RNF144B: variants seen among roughly 807,000 people sequenced by gnomAD.
The protein encoded by RNF144B is E3 ubiquitin-protein ligase RNF144B.
A neutral mutation model predicts 40.2 loss-of-function variants in RNF144B; 25 were observed. The ratio of observed to expected loss-of-function variants is 0.62; its 90% CI spans 0.45 to 0.87. The LOEUF (loss-of-function observed/expected upper bound fraction) is 0.87. Among genes scored for constraint, RNF144B ranks in the 40% least tolerant of loss-of-function variants. RNF144B has a pLI of 0.00. For synonymous variants in RNF144B, 145 were observed against 136.3 expected (o/e 1.06, Z -0.44); for missense variants, 365 against 373.7 (o/e 0.98, Z 0.19).
At chr6:18,408,850 A>T (rs1282417452) in intron 2 of RNF144B, among the ~76,000 whole-genome samples, 1 of 152,000 alleles carries the variant, frequency 6.6e-6, no homozygotes, top group East Asian at 1.9e-4. Context: ...TCCCTGAATC[A>T]ATTTCTAGGG....
At position 18,439,701 on chromosome 6, in the gene RNF144B, T is replaced by G. The variant is rs755855122; in HGVS notation, c.288T>G (p.Pro96=). Residue 96 remains proline (P), a synonymous_variant, in exon 4 of 8, where the codon CCT becomes CCG. Transcript: ENST00000259939. The part of the protein sequence containing the change: ...LQEAEIACLV[P]VDQFQLYQRL... ...GGTTTCAGATTGCCTGTTTGGTACC[T>G]GTGGACCAGTTTCAACTTTATCAGA... 1.2e-6 allele frequency: 2 copies of G among 1,612,706 alleles called. No individual in the cohort carries two copies. The highest frequency in any genetic ancestry group is 1.7e-6 in the Non-Finnish European group (2 of 1,178,784).
chr6:18,425,079 A>T lies in RNF144B; in HGVS notation c.166-2502A>T, dbSNP rs1535817. 3.3e-5 allele frequency among the ~76,000 whole-genome samples: 5 copies of T among 152,134 alleles called. No individual in the cohort carries two copies. Among genetic ancestry groups the T allele is most frequent in the Middle Eastern group, 3.2e-3 (1 of 316 alleles). On this transcript the variant is annotated intron_variant, in intron 2 of 7. Coordinates refer to ENST00000259939, the MANE Select transcript of RNF144B (RefSeq NM_182757.4). The surrounding 1 kb of genome is among the most constrained non-coding windows in gnomAD (Gnocchi z 4.2). ...TGGGTGTGTGTGTGTGTGTGTTAAAACCTGTGAGGTAACTATAACAGGTAT... is the reference window on the plus strand; with the variant it reads ...TGGGTGTGTGTGTGTGTGTGTTAAATCCTGTGAGGTAACTATAACAGGTAT...
intron 2 of RNF144B, among the ~76,000 whole-genome samples, chr6:18,417,837 A>G (rs752189776): frequency 3.9e-5 from 6 of 152,352 alleles, no homozygotes; most frequent in Middle Eastern, 3.4e-3. Context: ...GTCATATCTC[A>G]TAAGGGATAC....
At chr6:18,433,120 T>C (rs1488887074) in intron 3 of RNF144B, among the ~76,000 whole-genome samples, 1 of 152,210 alleles carries the variant, frequency 6.6e-6, no homozygotes. Flanking sequence ...CCAAATCCTC[T>C]GCCTCCACTT....
intron 3 of RNF144B, among the ~76,000 whole-genome samples, chr6:18,428,053 T>C (rs1462136129): frequency 6.6e-6 from 1 of 152,130 alleles, no homozygotes; most frequent in Non-Finnish European, 1.5e-5. Context: ...CAGGTGGAGA[T>C]AATTGAATCA....
At position 18,465,281 on chromosome 6, in the gene RNF144B, G is replaced by C; in HGVS notation, c.*214G>C. ...AACAAGAACTGGGCTCAACGGTCCA[G>C]CTGTTTCTATGGAGCTTTGGGGTTC... On this transcript the variant is annotated 3_prime_UTR_variant, in exon 8 of 8. Coordinates refer to ENST00000259939, the MANE Select transcript of RNF144B (RefSeq NM_182757.4). The C allele has an allele frequency of 3.5e-6, 2 of 569,932 alleles. No homozygotes were observed. The highest frequency in any genetic ancestry group is 6.2e-6 in the Non-Finnish European group (2 of 320,628). The allele number at this position is 569,932 out of a possible 1,614,324, so 35.3% of individuals were successfully genotyped here.
intron 3 of RNF144B, among the ~76,000 whole-genome samples, chr6:18,435,393 C>G (rs1429967161): frequency 6.7e-6 from 1 of 150,268 alleles, no homozygotes; most frequent in African/African-American, 2.4e-5. Context: ...TCTATGCTGA[C>G]TGAAATTTAA....
In RNF144B at chr6:18,464,659, G is replaced by A. The variant is rs1759536417; in HGVS notation, c.772-268G>A. 6.6e-6 allele frequency among the ~76,000 whole-genome samples: 1 copy of A among 152,136 alleles called. No homozygotes were observed. Among genetic ancestry groups the A allele is most frequent in the African/African-American group, 2.4e-5 (1 of 41,446 alleles). On this transcript the variant is annotated intron_variant, in intron 7 of 7. Coordinates refer to ENST00000259939, the MANE Select transcript of RNF144B (RefSeq NM_182757.4). The surrounding 1 kb of genome is among the most constrained non-coding windows in gnomAD (Gnocchi z 6.1). The stretch of plus-strand genomic sequence containing the variant: ...CCATTTTTTTGCTGTGTCTTCACAT[G>A]GCATAGAGCCTAGAGAAAGAAAGCA...
rs528925196 is a variant in RNF144B, at chr6:18,446,647, C to G, written c.331+6903C>G. Among the ~76,000 whole-genome samples, 1 of 152,232 alleles carries G rather than the reference C, an allele frequency of 6.6e-6. No homozygotes were observed. Among genetic ancestry groups the G allele is most frequent in the Non-Finnish European group, 1.5e-5 (1 of 68,014 alleles). ...CATTTAGTTACACAAATGCAACATT[C>G]TAGGCATCTTGCTGGGTCAGTGATT... On this transcript the variant is annotated intron_variant, in intron 4 of 7. Transcript: ENST00000259939. This position sits in a 1 kb window ranked among gnomAD's most constrained non-coding sequence, Gnocchi z 4.7.
rs1191461209 is a variant in RNF144B, at chr6:18,418,802, C to A, written c.166-8779C>A. Among the ~76,000 whole-genome samples the A allele has an allele frequency of 1.3e-5, 2 of 151,198 alleles. No individual in the cohort carries two copies. Among genetic ancestry groups the A allele is most frequent in the East Asian group, 1.9e-4 (1 of 5,180 alleles). On this transcript the variant is annotated intron_variant, in intron 2 of 7. Transcript: ENST00000259939. The surrounding 1 kb of genome is among the most constrained non-coding windows in gnomAD (Gnocchi z 5.2). ...CATAATATAAAATATATAATATTTA[C>A]ATATCATATATAATAATGCTATATA...
intron 3 of RNF144B, among the ~76,000 whole-genome samples, chr6:18,433,439 A>C (rs1003718936): frequency 5.3e-5 from 8 of 152,244 alleles, no homozygotes; most frequent in African/African-American, 1.9e-4. Context: ...AAACTGTATA[A>C]GTGGGTAATA....
At position 18,412,445 on chromosome 6, in the gene RNF144B, A is replaced by G. The variant is rs1000965332; in HGVS notation, c.165+12746A>G. ...CAACTGATTTTATACCTTGGTATTA[A>G]TAGTAATCAAGTTAGAAAAAAATGG... is the stretch of plus-strand genomic sequence containing the variant. On this transcript the variant is annotated intron_variant, in intron 2 of 7. Coordinates refer to ENST00000259939, the MANE Select transcript of RNF144B (RefSeq NM_182757.4). This position sits in a 1 kb window ranked among gnomAD's most constrained non-coding sequence, Gnocchi z 4.2. Among the ~76,000 whole-genome samples, 1 of 152,202 alleles carries G rather than the reference A, an allele frequency of 6.6e-6. No homozygotes were observed. The highest frequency in any genetic ancestry group is 2.4e-5 in the African/African-American group (1 of 41,440).
At chr6:18,394,661 T>C (rs1289326657) in intron 1 of RNF144B, among the ~76,000 whole-genome samples, 1 of 152,132 alleles carries the variant, frequency 6.6e-6, no homozygotes, top group Non-Finnish European at 1.5e-5. Context: ...CATTTGCATT[T>C]TTGGAGCAGA....
chr6:18,388,401 T>C (rs948119896), intron 1 of RNF144B, among the ~76,000 whole-genome samples: 1 of 152,214 alleles, frequency 6.6e-6, no homozygotes, highest in South Asian at 2.1e-4. Flanking sequence ...CTAACATTTC[T>C]GAGGAAGCAG....
Position 18,459,671 on chromosome 6 carries a change from G to T in RNF144B, c.601G>T (p.Glu201Ter). The change falls in exon 6 of 8, where the codon GAA becomes TAA. Residue 201 changes from glutamate to a stop codon, truncating the protein, a stop_gained. Transcript: ENST00000259939. LOFTEE classifies it high-confidence loss of function. The surrounding 1 kb of genome is among the most constrained non-coding windows in gnomAD (Gnocchi z 4.2). ...GTGCCCAGTTTGCCGGGTTTATATC[G>T]AACGCAATGAAGGCTGCGCTCAGAT... is the stretch of plus-strand genomic sequence containing the variant. ...KQCPVCRVYI[E>*]RNEGCAQMMC... 6.2e-7 allele frequency: 1 copy of T among 1,613,926 alleles called. No homozygotes were observed. The highest frequency in any genetic ancestry group is 2.2e-5 in the East Asian group (1 of 44,882).
intron 2 of RNF144B, among the ~76,000 whole-genome samples, chr6:18,411,689 A>G (rs1015972120): frequency 6.6e-6 from 1 of 151,224 alleles, no homozygotes; most frequent in Non-Finnish European, 1.5e-5. Flanking sequence ...TTTTTAGTAC[A>G]GAGGGGGTTG....
rs150523197 is a variant in RNF144B at position 18,403,250 on chromosome 6, G to A, written c.165+3551G>A. ...TTCACAAGTCAGTTATCAAAGTAATGGAAATTTGTGAGTTTGCTCCCTTGT... is the reference window on the plus strand; with the variant it reads ...TTCACAAGTCAGTTATCAAAGTAATAGAAATTTGTGAGTTTGCTCCCTTGT... On this transcript the variant is annotated intron_variant, in intron 2 of 7. Coordinates refer to ENST00000259939, the MANE Select transcript of RNF144B (RefSeq NM_182757.4). Among the ~76,000 whole-genome samples, 174 of 152,262 alleles carry A rather than the reference G, an allele frequency of 1.1e-3. 2 individuals are homozygous for A. The highest frequency in any genetic ancestry group is 3.9e-3 in the African/African-American group (162 of 41,556).
intron 4 of RNF144B, among the ~76,000 whole-genome samples, chr6:18,440,729 T>C (rs1466471249): frequency 6.6e-6 from 1 of 151,212 alleles, no homozygotes; most frequent in East Asian, 1.9e-4. Flanking sequence ...CATAGGTTAA[T>C]AGCAACCTTA....
chr6:18,431,431 T>C (rs998619732), intron 3 of RNF144B, among the ~76,000 whole-genome samples: 2 of 152,136 alleles, frequency 1.3e-5, no homozygotes, highest in Non-Finnish European at 2.9e-5. Context: ...ACACATGAAT[T>C]GGACTGTACC....
Sources: allele counts gnomAD v4.1 joint callset (sites outside exome capture counted in the v4.1 genomes callset), GRCh38; gene constraint gnomAD v4.1.1; non-coding constraint Gnocchi (gnomAD v3.1); transcripts MANE v1.5; gene names NCBI Gene and HGNC (gene_info 2026-07-23, HGNC 2026-07-21).